The following TBC1D5 variants were observed in gnomAD, a reference collection of about 807,000 sequenced individuals.
The protein encoded by TBC1D5 is TBC1 domain family member 5.
In TBC1D5, 75 loss-of-function variants were observed where a neutral mutation model predicts 100.3. The ratio of observed to expected loss-of-function variants is 0.75; its 90% CI spans 0.62 to 0.91. The LOEUF is 0.91. Among genes scored for constraint, TBC1D5 ranks in the 40% least tolerant of loss-of-function variants. The probability of loss-of-function intolerance (pLI) is 0.00; values close to 1 mark genes in which losing one functional copy is unlikely to be tolerated. For missense variants in TBC1D5, 910 were observed against 942.4 expected, an observed-to-expected ratio of 0.97 and a Z score of 0.45; for synonymous variants, 323 against 325.6, an observed-to-expected ratio of 0.99 and a Z score of 0.09.
chr3:17,705,043 G>C (rs2073860380), intron 1 of TBC1D5, among the ~76,000 whole-genome samples: 1 of 137,120 alleles, frequency 7.3e-6, no homozygotes, highest in Admixed American at 6.9e-5. Context: ...GGCTGGCCAG[G>C]CGGGGGGCTG....
At chr3:17,538,669 C>T (rs1437073707) in intron 2 of TBC1D5, among the ~76,000 whole-genome samples, 2 of 152,186 alleles carry the variant, frequency 1.3e-5, no homozygotes, top group African/African-American at 2.4e-5. Flanking sequence ...GTTGCAGACC[C>T]ATAAAGATTC....
intron 1 of TBC1D5, among the ~76,000 whole-genome samples, chr3:17,673,778 C>A (rs1484660618): frequency 6.6e-6 from 1 of 152,090 alleles, no homozygotes; most frequent in African/African-American, 2.4e-5. Flanking sequence ...TAATTTAAAT[C>A]TAAGACACTA....
intron 16 of TBC1D5, among the ~76,000 whole-genome samples, chr3:17,246,162 G>GA (rs949334410): frequency 3.3e-5 from 5 of 152,136 alleles, no homozygotes; most frequent in African/African-American, 9.7e-5. Flanking sequence ...TCTGCAAAAT[G>GA]AAACAGTCAC....
At position 17,703,990 on chromosome 3, in the gene TBC1D5, G is replaced by A. The variant is rs577365715; in HGVS notation, c.-101+35353C>T. 4.0e-3 allele frequency among the ~76,000 whole-genome samples: 572 copies of A among 141,570 alleles called. 5 individuals carry two copies. The highest frequency in any genetic ancestry group is 0.014 in the African/African-American group (528 of 37,898). The allele number at this position is 141,570 out of a possible 152,430, so 92.9% of individuals were successfully genotyped here. A position where few individuals can be genotyped will look rare whatever the true frequency, so the allele number is the denominator to read the frequency against. Reference sequence around the variant, plus strand: ...ACAGAGGGGGATTTGGCAGGGTCATGGGACAATAGTGGAGGGAAGGTCAGC... The same window carrying A: ...ACAGAGGGGGATTTGGCAGGGTCATAGGACAATAGTGGAGGGAAGGTCAGC... On this transcript the variant is annotated intron_variant, in intron 1 of 21. Transcript: ENST00000253692.
intron 8 of TBC1D5, 137 bp downstream of exon 8, chr3:17,403,044 C>A: frequency 1.7e-6 from 1 of 579,222 alleles, no homozygotes; most frequent in Middle Eastern, 4.8e-4. Context: ...CACAATTTGT[C>A]AAAACAAGTT....
intron 18 of TBC1D5, among the ~76,000 whole-genome samples, chr3:17,202,278 GA>G (rs138916611): frequency 1.3e-5 from 2 of 152,330 alleles, no homozygotes; most frequent in East Asian, 3.9e-4. Flanking sequence ...TCTGGTGGAA[GA>G]AATTTCTAAG....
chr3:17,324,419 A>T (rs1451801684), intron 13 of TBC1D5, among the ~76,000 whole-genome samples: 1 of 152,204 alleles, frequency 6.6e-6, no homozygotes, highest in Admixed American at 6.5e-5. Flanking sequence ...CGGCAGGCGG[A>T]TCACTTGAGG....
upstream of TBC1D5, chr3:17,742,598 C>A (rs963358317): frequency 2.0e-5 from 3 of 152,292 alleles, no homozygotes; most frequent in African/African-American, 7.2e-5. Flanking sequence ...GGGCCCGGCC[C>A]GACCTGAAAG....
intron 13 of TBC1D5, among the ~76,000 whole-genome samples, chr3:17,324,354 G>A (rs913736291): frequency 5.3e-5 from 8 of 152,228 alleles, no homozygotes; most frequent in Admixed American, 5.2e-4. Context: ...TTAAGAAAAT[G>A]AAAATAGGCC....
At chr3:17,212,171 A>T (rs2596662) in intron 18 of TBC1D5, among the ~76,000 whole-genome samples, 77,660 of 152,036 alleles carry the variant, frequency 0.51, 20,900 homozygotes, top group African/African-American at 0.68. Flanking sequence ...GGCAGATGAG[A>T]TCTTATTAAG....
chr3:17,261,348 T>C (rs2149473339), intron 15 of TBC1D5, among the ~76,000 whole-genome samples: 1 of 152,222 alleles, frequency 6.6e-6, no homozygotes, highest in East Asian at 1.9e-4. Context: ...GGTCAATGGA[T>C]AGATAACTGG....
intron 8 of TBC1D5, among the ~76,000 whole-genome samples, chr3:17,402,280 T>C (rs1340910009): frequency 6.6e-6 from 1 of 152,116 alleles, no homozygotes; most frequent in East Asian, 1.9e-4. Flanking sequence ...ATAATAGATT[T>C]AGCAGGAATT....
At chr3:17,612,888 C>CTTT (rs1236647091) in intron 2 of TBC1D5, among the ~76,000 whole-genome samples, 1 of 131,882 alleles carries the variant, frequency 7.6e-6, no homozygotes, top group African/African-American at 2.7e-5. Context: ...GCCCCCTTTT[C>CTTT]TTTTTTTTTT....
At chr3:17,304,627 A>G (rs1037389626) in intron 14 of TBC1D5, among the ~76,000 whole-genome samples, 3 of 152,138 alleles carry the variant, frequency 2.0e-5, no homozygotes, top group African/African-American at 7.2e-5. Flanking sequence ...ACTGGTCTCA[A>G]ACTCCTAGGC....
intron 13 of TBC1D5, among the ~76,000 whole-genome samples, chr3:17,370,910 A>C (rs1313900153): frequency 6.6e-6 from 1 of 152,208 alleles, no homozygotes; most frequent in African/African-American, 2.4e-5. Context: ...CAAGCTTTAC[A>C]TAAAGTATCT....
At chr3:17,353,205 T>C (rs2090840144) in intron 13 of TBC1D5, among the ~76,000 whole-genome samples, 1 of 152,022 alleles carries the variant, frequency 6.6e-6, no homozygotes, top group Non-Finnish European at 1.5e-5. Flanking sequence ...GATTTAGAAG[T>C]ACACTTAAAC....
chr3:17,251,736 C>T (rs1245544494), intron 16 of TBC1D5, among the ~76,000 whole-genome samples: 1 of 152,166 alleles, frequency 6.6e-6, no homozygotes, highest in Non-Finnish European at 1.5e-5. Flanking sequence ...ATTCACTTTG[C>T]TCTGATTTAA....
At chr3:17,617,707 G>A (rs1186761343) in intron 2 of TBC1D5, among the ~76,000 whole-genome samples, 4 of 152,034 alleles carry the variant, frequency 2.6e-5, no homozygotes, top group African/African-American at 4.8e-5. Flanking sequence ...AAGCTTGTGC[G>A]TGCATCACGA....
intron 13 of TBC1D5, among the ~76,000 whole-genome samples, chr3:17,336,155 G>C (rs1317107197): frequency 2.6e-5 from 4 of 152,044 alleles, no homozygotes; most frequent in African/African-American, 7.2e-5. Flanking sequence ...CTGTGGGCCA[G>C]AGAAGCCAAA....
Sources: allele counts gnomAD v4.1 joint callset (sites outside exome capture counted in the v4.1 genomes callset), GRCh38; gene constraint gnomAD v4.1.1; transcripts MANE v1.5; gene names NCBI Gene and HGNC (gene_info 2026-07-23, HGNC 2026-07-21).